ABR: variants seen among roughly 807,000 people sequenced by gnomAD.
ABR encodes the protein active breakpoint cluster region-related protein.
A neutral mutation model predicts 107.2 loss-of-function variants in ABR; 35 were observed. The observed-to-expected ratio is 0.33, with a 90% CI of 0.25 to 0.43. The LOEUF is 0.43. Ranked by LOEUF, ABR falls within the 20% of genes least tolerant of loss-of-function variation. The pLI, the probability that ABR is intolerant of heterozygous loss-of-function variation, is 1.00. For synonymous variants in ABR, 498 were observed against 462.0 expected (o/e 1.08, Z -1.00); for missense variants, 815 against 1,115.2 (o/e 0.73, Z 3.83).
In ABR at chr17:1,154,160, C is replaced by T. The variant is rs1470993583; in HGVS notation, c.61+25507G>A. On this transcript the variant is annotated intron_variant, in intron 1 of 22. Coordinates refer to ENST00000302538, the MANE Select transcript of ABR (RefSeq NM_021962.5). This position sits in a 1 kb window ranked among gnomAD's most constrained non-coding sequence, Gnocchi z 4.0. ...GCCAGGAACTGAGCAGCGGGTTCAC[C>T]TCCCAGGTCCTTCATGATCCTGGTG... 6.6e-6 allele frequency: 1 copy of T among 152,368 alleles called. No individual in the cohort carries two copies. The highest frequency in any genetic ancestry group is 6.5e-5 in the Admixed American group (1 of 15,284). 9.4% of individuals were successfully genotyped at this position (152,368 alleles called of 1,614,324 possible).
chr17:1,216,889 T>C (rs1161663363), intron 1 of ABR, among the ~76,000 whole-genome samples: 1 of 152,142 alleles, frequency 6.6e-6, no homozygotes, highest in Non-Finnish European at 1.5e-5. Flanking sequence ...AGGAAGCCAC[T>C]CTGTGCCCTC....
intron 1 of ABR, among the ~76,000 whole-genome samples, chr17:1,196,865 T>G (rs151146548): frequency 0.016 from 2,443 of 151,610 alleles, 57 homozygotes; most frequent in African/African-American, 0.049. Context: ...CGGCTAATTT[T>G]TTGTATTTTT....
chr17:1,082,867 C>T (rs1345970299), intron 5 of ABR, among the ~76,000 whole-genome samples: 8 of 152,112 alleles, frequency 5.3e-5, no homozygotes, highest in East Asian at 1.9e-4. Flanking sequence ...CTCAGTGGCT[C>T]GCACCTGTAA....
intron 1 of ABR, among the ~76,000 whole-genome samples, chr17:1,165,357 G>C (rs539269268): frequency 6.6e-6 from 1 of 152,240 alleles, no homozygotes; most frequent in Admixed American, 6.5e-5. Flanking sequence ...ATGGCCGGGA[G>C]GAGGTGCAAG....
At chr17:1,007,696 T>C (rs2070167973) in intron 21 of ABR, among the ~76,000 whole-genome samples, 1 of 152,200 alleles carries the variant, frequency 6.6e-6, no homozygotes, top group African/African-American at 2.4e-5. Context: ...ACCCCCATCG[T>C]GTAGATGAAG....
At chr17:1,137,748 GT>G (rs2040138187) in intron 1 of ABR, among the ~76,000 whole-genome samples, 1 of 152,168 alleles carries the variant, frequency 6.6e-6, no homozygotes, top group Non-Finnish European at 1.5e-5. Flanking sequence ...AAGCATGGAG[GT>G]GCCGTAAAGC....
At chr17:1,053,780 G>A (rs890434935) in intron 14 of ABR, among the ~76,000 whole-genome samples, 7 of 152,148 alleles carry the variant, frequency 4.6e-5, no homozygotes, top group South Asian at 2.1e-4. Context: ...TCCCTGAGGC[G>A]AGGACCTCCC....
intron 2 of ABR, among the ~76,000 whole-genome samples, chr17:1,116,862 G>T (rs1003584254): frequency 1.3e-5 from 2 of 152,206 alleles, no homozygotes; most frequent in South Asian, 2.1e-4. Context: ...CAAGATCCAG[G>T]AAGGGGAGAA....
rs575697115 is a variant in ABR, at chr17:1,193,278, C to T, written c.838+35515G>A. On this transcript the variant is annotated intron_variant, in intron 1 of 22. Transcript: ENST00000574139. Reference sequence around the variant, plus strand: ...AGCCTTTCTGGGACACCCCCTCCCCCTCAATACCCACAAGGATTCAGGACT... The same window carrying T: ...AGCCTTTCTGGGACACCCCCTCCCCTTCAATACCCACAAGGATTCAGGACT... Among the ~76,000 whole-genome samples the T allele has an allele frequency of 3.3e-5, 5 of 150,598 alleles. 1 individual carries two copies. The highest frequency in any genetic ancestry group is 2.1e-4 in the South Asian group (1 of 4,654).
At chr17:1,039,928 G>C in intron 16 of ABR, among the ~76,000 whole-genome samples, 1 of 152,180 alleles carries the variant, frequency 6.6e-6, no homozygotes, top group East Asian at 1.9e-4. Context: ...TATGGGGGCT[G>C]TGAGTGCCAG....
intron 5 of ABR, among the ~76,000 whole-genome samples, chr17:1,083,039 A>G (rs2036351690): frequency 6.7e-6 from 1 of 149,224 alleles, no homozygotes; most frequent in Non-Finnish European, 1.5e-5. Flanking sequence ...CAGGAGAATC[A>G]CTTGAACCCA....
chr17:1,157,041 A>T lies in ABR; in HGVS notation c.61+22626T>A, dbSNP rs2041071652. On this transcript the variant is annotated intron_variant, in intron 1 of 22. Transcript: ENST00000302538. This position sits in a 1 kb window ranked among gnomAD's most constrained non-coding sequence, Gnocchi z 4.7. ...CAACAGTCCACACACACATACGATA[A>T]GTTAACTCACCGCAGCCTCACACCG... Among the ~76,000 whole-genome samples, 2 of 152,204 alleles carry T rather than the reference A, an allele frequency of 1.3e-5. No individual in the cohort carries two copies. The highest frequency in any genetic ancestry group is 4.8e-5 in the African/African-American group (2 of 41,446).
At position 1,105,843 on chromosome 17, in the gene ABR, G is replaced by A. The variant is rs551657764; in HGVS notation, c.247-5108C>T. Among the ~76,000 whole-genome samples the A allele has an allele frequency of 2.6e-5, 4 of 151,824 alleles. No individual in the cohort carries two copies. The South Asian group carries it at 6.3e-4, about 24-fold the overall frequency. Reference sequence around the variant, plus strand: ...ATTGTGCCATCGCACTCCAGCCTGGGTGACAGAGTGAGACTCTGTCTCAAA... The same window carrying A: ...ATTGTGCCATCGCACTCCAGCCTGGATGACAGAGTGAGACTCTGTCTCAAA... On this transcript the variant is annotated intron_variant, in intron 2 of 22. Transcript: ENST00000302538.
intron 2 of ABR, among the ~76,000 whole-genome samples, chr17:1,113,093 T>G (rs1293157174): frequency 6.6e-6 from 1 of 151,710 alleles, no homozygotes; most frequent in East Asian, 1.9e-4. Context: ...AATGCAGCCA[T>G]GGACAGGGAA....
rs115007896 is a variant in ABR, at chr17:1,037,462, T to C, written c.1791+12588A>G. On this transcript the variant is annotated intron_variant, in intron 16 of 22. Transcript: ENST00000302538. This position sits in a 1 kb window ranked among gnomAD's most constrained non-coding sequence, Gnocchi z 4.6. The stretch of plus-strand genomic sequence containing the variant: ...GAGCTTGTCTGCTGCAGGAGAAGTG[T>C]CCCGACAGCCCGTCCCTGGCAAACC... Among the ~76,000 whole-genome samples the C allele has an allele frequency of 3.1e-3, 478 of 152,190 alleles. 2 individuals are homozygous for C. The highest frequency in any genetic ancestry group is 0.011 in the African/African-American group (459 of 41,524).
At chr17:1,166,821 G>A (rs2041530986) in intron 1 of ABR, among the ~76,000 whole-genome samples, 1 of 152,198 alleles carries the variant, frequency 6.6e-6, no homozygotes, top group Non-Finnish European at 1.5e-5. Flanking sequence ...CCAACATGGT[G>A]TAACCCTGTC....
intron 1 of ABR, among the ~76,000 whole-genome samples, chr17:1,167,976 AC>A (rs1331503313): frequency 6.6e-6 from 1 of 151,922 alleles, no homozygotes; most frequent in Non-Finnish European, 1.5e-5. Flanking sequence ...ACATGGTGAA[AC>A]CCCGTCTCTA....
intron 6 of ABR, chr17:1,079,053 G>A: frequency 1.4e-6 from 2 of 1,437,928 alleles, no homozygotes; most frequent in East Asian, 5.0e-5. Flanking sequence ...GGAAGGGGAA[G>A]GGGAGGAGGG....
chr17:1,076,422 A>G (rs2035712754), intron 6 of ABR, among the ~76,000 whole-genome samples: 1 of 152,056 alleles, frequency 6.6e-6, no homozygotes, highest in Non-Finnish European at 1.5e-5. Context: ...TCAGGGGGAA[A>G]AAATCACACT....
Sources: allele counts gnomAD v4.1 joint callset (sites outside exome capture counted in the v4.1 genomes callset), GRCh38; gene constraint gnomAD v4.1.1; non-coding constraint Gnocchi (gnomAD v3.1); transcripts MANE v1.5; gene names NCBI Gene and HGNC (gene_info 2026-07-23, HGNC 2026-07-21).